The following IFITM10 variants were observed in gnomAD, a reference collection of about 807,000 sequenced individuals.
IFITM10 encodes the protein interferon-induced transmembrane protein 10.
In IFITM10, 17 loss-of-function variants were observed where a neutral mutation model predicts 19.0. The observed-to-expected ratio is 0.90, with a 90% CI of 0.61 to 1.34. The LOEUF is 1.34. IFITM10 is among the 40% of genes most tolerant of loss of function. IFITM10 has a pLI of 0.00. For synonymous variants in IFITM10, 148 were observed against 147.2 expected, an observed-to-expected ratio of 1.01 and a Z score of -0.04; for missense variants, 306 against 319.8, an observed-to-expected ratio of 0.96 and a Z score of 0.33.
intron 2 of IFITM10, chr11:1,746,943 C>T (rs1007028468): frequency 2.3e-5 from 9 of 397,350 alleles, no homozygotes; most frequent in Non-Finnish European, 4.0e-5. Flanking sequence ...CATTGACACA[C>T]GGCTGCCCCT....
intron 2 of IFITM10, 30 bp downstream of exon 2, chr11:1,747,637 C>T (rs1275309006): frequency 2.2e-5 from 34 of 1,544,846 alleles, no homozygotes; most frequent in Non-Finnish European, 2.9e-5. Context: ...CTCTAGCCCG[C>T]CCTTGCCCCC....
At chr11:1,742,208 C>T (rs1845576326) in intron 2 of IFITM10, among the ~76,000 whole-genome samples, 1 of 151,918 alleles carries the variant, frequency 6.6e-6, no homozygotes, top group Non-Finnish European at 1.5e-5. Flanking sequence ...GGTGGGTGGA[C>T]ACATGCCTGA....
chr11:1,740,643 T>G (rs1200496123), intron 2 of IFITM10, among the ~76,000 whole-genome samples: 2 of 152,202 alleles, frequency 1.3e-5, no homozygotes, highest in Non-Finnish European at 2.9e-5. Context: ...ATAGCAGATA[T>G]TTGGCATAGC....
intron 2 of IFITM10, among the ~76,000 whole-genome samples, chr11:1,741,757 A>AT (rs1845572595): frequency 6.6e-6 from 1 of 152,146 alleles, no homozygotes; most frequent in South Asian, 2.1e-4. Context: ...TGAAAGGGCA[A>AT]TGTTATGGTT....
chr11:1,743,064 CGGATGGAT>C (rs1296966143), intron 2 of IFITM10, among the ~76,000 whole-genome samples: 1 of 93,502 alleles, frequency 1.1e-5, no homozygotes, highest in Non-Finnish European at 2.2e-5. Flanking sequence ...GGATGGAGGG[CGGATGGAT>C]GGATGGATGG....
At chr11:1,743,904 C>T (rs1845602079) in intron 2 of IFITM10, among the ~76,000 whole-genome samples, 1 of 152,112 alleles carries the variant, frequency 6.6e-6, no homozygotes, top group Admixed American at 6.5e-5. Context: ...GAGCCCAGCC[C>T]CTCACGAGGT....
At chr11:1,745,780 T>G (rs903778659) in intron 2 of IFITM10, 2 of 146,644 alleles carry the variant, frequency 1.4e-5, no homozygotes, top group Non-Finnish European at 3.0e-5. Context: ...TACACACACA[T>G]GCACACACTC....
rs1296966143 is a variant in IFITM10 at position 1,743,064 on chromosome 11, C to CGGAT, written c.537+4599_537+4602dup. Among the ~76,000 whole-genome samples the CGGAT allele has an allele frequency of 3.7e-4, 35 of 93,502 alleles. No homozygotes were observed. The Admixed American group carries it at 3.8e-3, about 10-fold the overall frequency. The allele number at this position is 93,502 out of a possible 152,430, so 61.3% of individuals were successfully genotyped here. A position where few individuals can be genotyped will look rare whatever the true frequency, so the allele number is the denominator to read the frequency against. On this transcript the variant is annotated intron_variant, in intron 2 of 2. Coordinates refer to ENST00000340134, the MANE Select transcript of IFITM10 (RefSeq NM_001170820.4). ...GGATGGATGAAGGATGGATGGAGGG[C>CGGAT]GGATGGATGGATGGATGGAGGATGG...
At chr11:1,746,628 C>T (rs1405403015) in intron 2 of IFITM10, 9 of 398,526 alleles carry the variant, frequency 2.3e-5, no homozygotes, top group Non-Finnish European at 4.0e-5. Flanking sequence ...CGATGCCGGG[C>T]GGGGTGGGGC....
intron 2 of IFITM10, among the ~76,000 whole-genome samples, chr11:1,740,037 C>T (rs930570117): frequency 6.6e-6 from 1 of 152,146 alleles, no homozygotes; most frequent in African/African-American, 2.4e-5. Context: ...CATGGTGGCT[C>T]ACGCCTGTAA....
At chr11:1,740,730 G>T (rs527520797) in intron 2 of IFITM10, among the ~76,000 whole-genome samples, 1 of 152,186 alleles carries the variant, frequency 6.6e-6, no homozygotes, top group Non-Finnish European at 1.5e-5. Context: ...CAAAAAGATG[G>T]TATTTAAAAC....
intron 1 of IFITM10, among the ~76,000 whole-genome samples, chr11:1,749,926 G>A (rs1486013152): frequency 1.3e-5 from 2 of 152,102 alleles, no homozygotes; most frequent in South Asian, 2.1e-4. Context: ...CAGAGTCTGG[G>A]AGAATGTGGC....
At chr11:1,740,452 T>A (rs1590895869) in intron 2 of IFITM10, among the ~76,000 whole-genome samples, 1 of 150,648 alleles carries the variant, frequency 6.6e-6, no homozygotes. Context: ...GCGTGGAAGG[T>A]GAAGCTGATG....
chr11:1,737,638 A>G (rs1469128193), intron 2 of IFITM10, among the ~76,000 whole-genome samples: 3 of 152,194 alleles, frequency 2.0e-5, no homozygotes, highest in Non-Finnish European at 4.4e-5. Context: ...TCATGGAGGC[A>G]AAGAAGATTC....
chr11:1,745,713 C>A (rs1392777233), intron 2 of IFITM10: 2 of 151,044 alleles, frequency 1.3e-5, no homozygotes, highest in African/African-American at 5.0e-5. Context: ...CACACAGGCA[C>A]ACACCCTCAC....
chr11:1,734,192 T>G lies in IFITM10; in HGVS notation c.*1088A>C, dbSNP rs1253501534. On this transcript the variant is annotated 3_prime_UTR_variant, in exon 3 of 3. Coordinates refer to ENST00000340134, the MANE Select transcript of IFITM10 (RefSeq NM_001170820.4). ...CTAGTGCACCCTCATCAGCTTGTCT[T>G]CAGGGCTGACCGGCACCCCCATGAC... 6.6e-6 allele frequency: 1 copy of G among 152,334 alleles called. No individual in the cohort carries two copies. The highest frequency in any genetic ancestry group is 1.5e-5 in the Non-Finnish European group (1 of 68,146). The allele number at this position is 152,334 out of a possible 1,614,324, so 9.4% of individuals were successfully genotyped here.
rs753068680 is a variant in IFITM10, at chr11:1,735,076, G to A, written c.*204C>T. On this transcript the variant is annotated 3_prime_UTR_variant, in exon 3 of 3. Transcript: ENST00000340134. The stretch of plus-strand genomic sequence containing the variant: ...ACAGGCAGGGTGGAGGCCAGGAGGC[G>A]GAGGGGGTGGACTGAGGGCCAAGCT... The A allele has an allele frequency of 3.6e-4, 206 of 574,476 alleles. 1 individual carries two copies. Among genetic ancestry groups the A allele is most frequent in the Non-Finnish European group, 4.7e-4 (154 of 327,384 alleles). 35.6% of individuals were successfully genotyped at this position (574,476 alleles called of 1,614,324 possible).
At chr11:1,736,651 G>A (rs1490381452) in intron 2 of IFITM10, among the ~76,000 whole-genome samples, 1 of 151,786 alleles carries the variant, frequency 6.6e-6, no homozygotes, top group Non-Finnish European at 1.5e-5. Flanking sequence ...ATGGAGTGAA[G>A]TGGGTGGAAT....
intron 2 of IFITM10, among the ~76,000 whole-genome samples, chr11:1,741,419 A>C (rs141006608): frequency 0.011 from 1,650 of 151,902 alleles, 16 homozygotes; most frequent in Non-Finnish European, 0.016. Context: ...GGGGAGATGG[A>C]TGGTGCTGGG....
Sources: allele counts gnomAD v4.1 joint callset (sites outside exome capture counted in the v4.1 genomes callset), GRCh38; gene constraint gnomAD v4.1.1; transcripts MANE v1.5; gene names NCBI Gene and HGNC (gene_info 2026-07-23, HGNC 2026-07-21).